Variants in SRPRB observed in about 807,000 individuals in gnomAD.
SRPRB encodes signal recognition particle receptor subunit beta.
In SRPRB, 20 loss-of-function variants were observed where a neutral mutation model predicts 31.9. That is an observed-to-expected ratio of 0.63 (90% CI 0.44 to 0.91). SRPRB has a LOEUF of 0.91. Among genes scored for constraint, SRPRB ranks in the 40% least tolerant of loss-of-function variants. The pLI, the probability that SRPRB is intolerant of heterozygous loss-of-function variation, is 0.00. For synonymous variants in SRPRB, 146 were observed against 132.8 expected, an observed-to-expected ratio of 1.10 and a Z score of -0.68; for missense variants, 321 against 324.9, an observed-to-expected ratio of 0.99 and a Z score of 0.09.
At chr3:133,789,824 G>A (rs1043977529) in intron 1 of SRPRB, 7 of 148,462 alleles carry the variant, frequency 4.7e-5, no homozygotes, top group Admixed American at 6.8e-5. Flanking sequence ...GTTAGGGTTT[G>A]GCATAGAAGG....
chr3:133,822,321 A>G (rs1164789567), downstream of SRPRB, among the ~76,000 whole-genome samples: 1 of 151,880 alleles, frequency 6.6e-6, no homozygotes. Context: ...AGATGCCCTC[A>G]TGGAGGGGCA....
At chr3:133,826,567 GA>G (rs1935566688), downstream of SRPRB, 1 of 152,650 alleles carries the variant, frequency 6.6e-6, no homozygotes, top group South Asian at 2.1e-4. Context: ...AAATTCTCTC[GA>G]GGTAAGTAAG....
chr3:133,802,556 G>T (rs1935078231), upstream of SRPRB, among the ~76,000 whole-genome samples: 2 of 152,072 alleles, frequency 1.3e-5, no homozygotes, highest in African/African-American at 4.8e-5. Flanking sequence ...ATCCCCTTGA[G>T]CTCAGACTCA....
intron 1 of SRPRB, chr3:133,784,425 A>G (rs933794857): frequency 6.6e-6 from 1 of 150,912 alleles, no homozygotes; most frequent in Non-Finnish European, 1.5e-5. Flanking sequence ...GTGACTTATG[A>G]TAGAGTTAGA....
downstream of SRPRB, among the ~76,000 whole-genome samples, chr3:133,821,949 A>G (rs1278269972): frequency 6.6e-6 from 1 of 152,120 alleles, no homozygotes; most frequent in Non-Finnish European, 1.5e-5. Context: ...CTCCTGTACT[A>G]GTAGCAGGCA....
chr3:133,799,791 C>T (rs943161406), intron 1 of SRPRB, among the ~76,000 whole-genome samples: 2 of 152,090 alleles, frequency 1.3e-5, no homozygotes, highest in African/African-American at 2.4e-5. Context: ...CTGTGTTTAA[C>T]AGACAAAAAG....
At chr3:133,788,302 C>G (rs1033130171) in intron 1 of SRPRB, 9 of 152,158 alleles carry the variant, frequency 5.9e-5, no homozygotes, top group African/African-American at 1.9e-4. Context: ...GACTTTGTAA[C>G]TTTATTTCAT....
chr3:133,791,517 G>A (rs559474769), intron 1 of SRPRB: 2 of 152,246 alleles, frequency 1.3e-5, no homozygotes, highest in Admixed American at 1.3e-4. Context: ...AAAAGTCACT[G>A]TTTATCTCCT....
chr3:133,806,144 A>C, intron 1 of SRPRB, 142 bp downstream of exon 1: 1 of 1,134,828 alleles, frequency 8.8e-7, no homozygotes, highest in Non-Finnish European at 1.2e-6. Context: ...TCTACACCCC[A>C]CCCTCTCTCC....
chr3:133,819,309 C>T (rs1935422935), intron 6 of SRPRB, among the ~76,000 whole-genome samples: 1 of 152,084 alleles, frequency 6.6e-6, no homozygotes, highest in East Asian at 1.9e-4. Context: ...TTGGTGTGAC[C>T]TGGTCTACTG....
At chr3:133,823,067 C>G (rs145512286), downstream of SRPRB, among the ~76,000 whole-genome samples, 1 of 152,194 alleles carries the variant, frequency 6.6e-6, no homozygotes, top group African/African-American at 2.4e-5. Flanking sequence ...TTTCCCTGCT[C>G]TCTCAGTAGT....
At chr3:133,821,896 A>C (rs1333488772), downstream of SRPRB, among the ~76,000 whole-genome samples, 1 of 152,172 alleles carries the variant, frequency 6.6e-6, no homozygotes, top group East Asian at 1.9e-4. Flanking sequence ...TTTTTCTGAC[A>C]GGGTCAAGTC....
intron 1 of SRPRB, among the ~76,000 whole-genome samples, chr3:133,806,252 C>G (rs1243767041): frequency 2.6e-5 from 4 of 152,198 alleles, no homozygotes; most frequent in Admixed American, 6.5e-5. Context: ...TCGTCATCTG[C>G]CCTGTTACGC....
At chr3:133,793,769 T>C (rs1475149310) in intron 1 of SRPRB, 1 of 152,144 alleles carries the variant, frequency 6.6e-6, no homozygotes, top group African/African-American at 2.4e-5. Flanking sequence ...TCCTAGAATA[T>C]GGTGTCTTTT....
intron 6 of SRPRB, among the ~76,000 whole-genome samples, chr3:133,818,017 T>G (rs186347397): frequency 6.6e-6 from 1 of 152,368 alleles, no homozygotes; most frequent in East Asian, 1.9e-4. Flanking sequence ...TTGCCAGCCC[T>G]GCCTATGCCA....
intron 4 of SRPRB, among the ~76,000 whole-genome samples, chr3:133,812,693 T>C (rs1935298099): frequency 6.6e-6 from 1 of 152,218 alleles, no homozygotes; most frequent in African/African-American, 2.4e-5. Flanking sequence ...CCCTCCCCCA[T>C]CTTTTAAACA....
At chr3:133,807,587 A>AT (rs1262227629) in intron 2 of SRPRB, among the ~76,000 whole-genome samples, 159 bp from the exon 3 acceptor site, 2 of 152,092 alleles carry the variant, frequency 1.3e-5, no homozygotes, top group Non-Finnish European at 2.9e-5. Context: ...AATTAATTAG[A>AT]TTTTTTTCTA....
intron 2 of SRPRB, 152 bp downstream of exon 2, chr3:133,806,855 C>T (rs1304892549): frequency 1.7e-6 from 1 of 591,656 alleles, no homozygotes; most frequent in Non-Finnish European, 3.0e-6. Flanking sequence ...CAAAAAGACT[C>T]GTAGAAACCC....
intron 1 of SRPRB, chr3:133,790,084 G>A (rs1284799081): frequency 3.9e-5 from 6 of 152,088 alleles, no homozygotes; most frequent in Admixed American, 6.5e-5. Context: ...GTTTACAGAG[G>A]TAATCTAGAT....
Sources: gnomAD v4.1 joint callset for allele counts (sites outside exome capture counted in the v4.1 genomes callset) on GRCh38, gnomAD v4.1.1 for gene constraint, MANE v1.5 for transcripts, NCBI Gene and HGNC (gene_info 2026-07-23, HGNC 2026-07-21) for gene names.